The following NRIP1 variants were observed in gnomAD, a reference collection of about 807,000 sequenced individuals.
The protein encoded by NRIP1 is nuclear receptor interacting protein 1.
NRIP1 carries 28 observed loss-of-function variants against 75.0 expected under a neutral mutation model. The ratio of observed to expected loss-of-function variants is 0.37; its 90% CI spans 0.28 to 0.51. The LOEUF is 0.51. NRIP1 is among the 20% of genes least tolerant of loss of function. NRIP1 has a pLI of 0.92. For missense variants in NRIP1, 1,435 were observed against 1,343.7 expected (o/e 1.07, Z -1.06); for synonymous variants, 526 against 487.6 (o/e 1.08, Z -1.04).
Position 14,962,525 on chromosome 21 carries a change from G to A in NRIP1, c.*2191C>T, listed in dbSNP as rs2086619522. The stretch of plus-strand genomic sequence containing the variant: ...AAAAGGTCATTTCCCCCTACCCAAG[G>A]GAGAATACCAACATATTTTTTCTGA... On this transcript the variant is annotated 3_prime_UTR_variant, in exon 4 of 4. Coordinates refer to ENST00000318948, the MANE Select transcript of NRIP1 (RefSeq NM_003489.4). 1 of 152,192 alleles carries A rather than the reference G, an allele frequency of 6.6e-6. No homozygotes were observed. Among genetic ancestry groups the A allele is most frequent in the African/African-American group, 2.4e-5 (1 of 41,338 alleles). 9.4% of individuals were successfully genotyped at this position (152,192 alleles called of 1,614,324 possible).
At chr21:15,053,116 C>G (rs1174688188) in intron 1 of NRIP1, among the ~76,000 whole-genome samples, 1 of 152,120 alleles carries the variant, frequency 6.6e-6, no homozygotes, top group Admixed American at 6.5e-5. Context: ...AAGTAACATG[C>G]CATTAAACAG....
chr21:15,022,755 C>T (rs2088409086), intron 2 of NRIP1, among the ~76,000 whole-genome samples: 1 of 152,118 alleles, frequency 6.6e-6, no homozygotes, highest in Non-Finnish European at 1.5e-5. Context: ...ACAGACAGTT[C>T]CTTAAAAAGC....
chr21:15,005,734 G>A (rs188492250), intron 3 of NRIP1, among the ~76,000 whole-genome samples: 33 of 152,266 alleles, frequency 2.2e-4, no homozygotes, highest in African/African-American at 7.9e-4. Context: ...TTCCCAAGCA[G>A]AATAGAACAA....
chr21:15,051,306 T>C (rs904660750), intron 1 of NRIP1: 2 of 146,458 alleles, frequency 1.4e-5, no homozygotes, highest in Non-Finnish European at 3.0e-5. Flanking sequence ...GTCATTTTCA[T>C]TTTATTTTCC....
In NRIP1 at chr21:15,013,839, C is replaced by T. The variant is rs536111456; in HGVS notation, c.-335+505G>A. On this transcript the variant is annotated intron_variant, in intron 3 of 3. Coordinates refer to ENST00000318948, the MANE Select transcript of NRIP1 (RefSeq NM_003489.4). Reference sequence around the variant, plus strand: ...TAATAATTCCAAAAGTAATCACTGGCCTATACTATAATAAACACACAATAA... The same window carrying T: ...TAATAATTCCAAAAGTAATCACTGGTCTATACTATAATAAACACACAATAA... Among the ~76,000 whole-genome samples the T allele has an allele frequency of 3.5e-4, 54 of 152,182 alleles. 2 individuals are homozygous for T. Among genetic ancestry groups the T allele is most frequent in the Middle Eastern group, 6.8e-3 (2 of 294 alleles).
At chr21:15,002,474 AC>A (rs2087871350) in intron 3 of NRIP1, 1 of 140,560 alleles carries the variant, frequency 7.1e-6, no homozygotes, top group African/African-American at 3.1e-5. Flanking sequence ...TCAAAATTAA[AC>A]ACACACACAC....
intron 1 of NRIP1, among the ~76,000 whole-genome samples, chr21:15,055,085 C>T (rs1440655138): frequency 2.6e-5 from 4 of 152,160 alleles, no homozygotes; most frequent in Non-Finnish European, 4.4e-5. Flanking sequence ...TGTAGACCAA[C>T]GTGCACTTGG....
chr21:14,995,939 G>A (rs969611520), intron 3 of NRIP1, among the ~76,000 whole-genome samples: 1 of 152,100 alleles, frequency 6.6e-6, no homozygotes, highest in Non-Finnish European at 1.5e-5. Flanking sequence ...TCTATGGTTT[G>A]GAAGGCTCTG....
intron 3 of NRIP1, among the ~76,000 whole-genome samples, chr21:14,969,175 A>G (rs2086839888): frequency 6.6e-6 from 1 of 152,240 alleles, no homozygotes; most frequent in Non-Finnish European, 1.5e-5. Flanking sequence ...ATTAAAATAC[A>G]GTCATAAACT....
rs755185532 is a variant in NRIP1 at position 14,967,135 on chromosome 21, A to C, written c.1058T>G (p.Ile353Ser). ...ATVFQNPMGI[I>S]PSSPKNAGYK... is the part of the protein sequence containing the mutation. ...ACCTGCATTTTTAGGGGAAGAAGGA[A>C]TGATACCCATTGGATTTTGAAACAC... The change falls in exon 4 of 4, where the codon ATT becomes AGT. Residue 353 changes from isoleucine (I) to serine (S), a missense_variant. Ile to Ser is a moderately radical substitution (Grantham distance 142, BLOSUM62 -2). Coordinates refer to ENST00000318948, the MANE Select transcript of NRIP1 (RefSeq NM_003489.4). 6.2e-7 allele frequency: 1 copy of C among 1,614,108 alleles called. No individual in the cohort carries two copies. Among genetic ancestry groups the C allele is most frequent in the Non-Finnish European group, 8.5e-7 (1 of 1,179,972 alleles).
At chr21:14,988,411 T>A (rs192379255) in intron 3 of NRIP1, among the ~76,000 whole-genome samples, 1 of 141,650 alleles carries the variant, frequency 7.1e-6, no homozygotes, top group Non-Finnish European at 1.5e-5. Flanking sequence ...CTTAGGATTG[T>A]CTTTTGTCTT....
intron 2 of NRIP1, among the ~76,000 whole-genome samples, chr21:15,023,635 T>A (rs2088433074): frequency 6.6e-6 from 1 of 152,200 alleles, no homozygotes; most frequent in East Asian, 1.9e-4. Flanking sequence ...TGACAATTCT[T>A]CCCAAATTAA....
Position 15,016,356 on chromosome 21 carries a change from T to G in NRIP1, c.-457-1890A>C, listed in dbSNP as rs146143769. Among the ~76,000 whole-genome samples, 256 of 152,292 alleles carry G rather than the reference T, an allele frequency of 1.7e-3. 1 individual carries two copies. The highest frequency in any genetic ancestry group is 5.6e-3 in the African/African-American group (232 of 41,568). ...AACAATAACCATATGTGTAATTACATGAGTACTCCTATTAGAATGTGGTAG... is the reference window on the plus strand; with the variant it reads ...AACAATAACCATATGTGTAATTACAGGAGTACTCCTATTAGAATGTGGTAG... On this transcript the variant is annotated intron_variant, in intron 2 of 3. Coordinates refer to ENST00000318948, the MANE Select transcript of NRIP1 (RefSeq NM_003489.4).
intron 1 of NRIP1, among the ~76,000 whole-genome samples, chr21:15,048,650 A>T (rs2089138924): frequency 6.6e-6 from 1 of 152,232 alleles, no homozygotes; most frequent in Non-Finnish European, 1.5e-5. Flanking sequence ...TTATGTAATA[A>T]AATTTAACCT....
chr21:14,984,917 CATT>C, intron 3 of NRIP1, among the ~76,000 whole-genome samples: 1 of 152,226 alleles, frequency 6.6e-6, no homozygotes, highest in South Asian at 2.1e-4. Flanking sequence ...AAGGTATGCA[CATT>C]ATTTTTAGAC....
intron 1 of NRIP1, 60 bp downstream of exon 1, chr21:15,064,685 C>T (rs890392319): frequency 6.6e-6 from 1 of 150,642 alleles, no homozygotes; most frequent in Non-Finnish European, 1.5e-5. Context: ...CGCTCCCGGG[C>T]CGTTTCCGGC....
intron 3 of NRIP1, among the ~76,000 whole-genome samples, chr21:15,007,949 T>A (rs1023709651): frequency 6.6e-6 from 1 of 152,166 alleles, no homozygotes; most frequent in Non-Finnish European, 1.5e-5. Flanking sequence ...AAAAACAGTA[T>A]GAAGCTGTCA....
chr21:14,978,424 C>T, intron 3 of NRIP1, among the ~76,000 whole-genome samples: 1 of 152,140 alleles, frequency 6.6e-6, no homozygotes. Context: ...CCACCTAATG[C>T]CCCAAAAGGT....
chr21:14,974,438 G>A (rs949392049), intron 3 of NRIP1: 4 of 152,074 alleles, frequency 2.6e-5, no homozygotes, highest in Admixed American at 6.5e-5. Context: ...TTTCTGCTTC[G>A]TAATTGCCCA....
Sources: gnomAD v4.1 joint callset for allele counts (sites outside exome capture counted in the v4.1 genomes callset) on GRCh38, gnomAD v4.1.1 for gene constraint, MANE v1.5 for transcripts, NCBI Gene and HGNC (gene_info 2026-07-23, HGNC 2026-07-21) for gene names.